The following WASF1 variants were observed in gnomAD, a reference collection of about 807,000 sequenced individuals.
WASF1 encodes WASP family member 1.
Under a neutral mutation model 50.5 loss-of-function variants are expected in WASF1, and 7 were observed. That is an observed-to-expected ratio of 0.14 (90% CI 0.08 to 0.26). The LOEUF (loss-of-function observed/expected upper bound fraction) is 0.26. Ranked by LOEUF, WASF1 falls within the 10% of genes least tolerant of loss-of-function variation. The probability of loss-of-function intolerance (pLI) is 1.00; values close to 1 mark genes in which losing one functional copy is unlikely to be tolerated. For missense variants in WASF1, 470 were observed against 694.7 expected, an observed-to-expected ratio of 0.68 and a Z score of 3.64; for synonymous variants, 205 against 244.0, an observed-to-expected ratio of 0.84 and a Z score of 1.49.
intron 3 of WASF1, among the ~76,000 whole-genome samples, chr6:110,159,660 C>A (rs1776181440): frequency 1.3e-5 from 2 of 151,792 alleles, no homozygotes; most frequent in Admixed American, 1.3e-4. Context: ...AGAAGTGTTT[C>A]CAGTTTCAAA....
chr6:110,155,113 CTT>C (rs925044636), intron 3 of WASF1, among the ~76,000 whole-genome samples: 13 of 152,040 alleles, frequency 8.6e-5, no homozygotes, highest in Admixed American at 5.9e-4. Context: ...TAATCAGACT[CTT>C]TACATATTTT....
intron 3 of WASF1, among the ~76,000 whole-genome samples, chr6:110,129,430 T>C (rs1774561813): frequency 6.6e-6 from 1 of 152,202 alleles, no homozygotes; most frequent in Non-Finnish European, 1.5e-5. Context: ...CTTCTAGATA[T>C]GCAGCCTGAG....
At chr6:110,142,767 G>T (rs1293911762) in intron 3 of WASF1, among the ~76,000 whole-genome samples, 1 of 151,878 alleles carries the variant, frequency 6.6e-6, no homozygotes, top group East Asian at 1.9e-4. Flanking sequence ...TGCATAGAAT[G>T]AACCAATTAC....
At chr6:110,138,363 A>T (rs1310306579) in intron 3 of WASF1, among the ~76,000 whole-genome samples, 2 of 152,264 alleles carry the variant, frequency 1.3e-5, no homozygotes, top group African/African-American at 4.8e-5. Flanking sequence ...CAAAGGCCAC[A>T]GCTATTTTCA....
intron 2 of WASF1, among the ~76,000 whole-genome samples, chr6:110,167,072 T>A (rs981847556): frequency 1.3e-5 from 2 of 151,806 alleles, no homozygotes; most frequent in Non-Finnish European, 2.9e-5. Flanking sequence ...AGTAACACTG[T>A]AGCCATCATG....
chr6:110,144,124 G>A (rs1040725895), intron 3 of WASF1, among the ~76,000 whole-genome samples: 2 of 152,122 alleles, frequency 1.3e-5, no homozygotes, highest in African/African-American at 4.8e-5. Context: ...TCCAGCACCT[G>A]TTGTTTCCTG....
intron 7 of WASF1, 78 bp downstream of exon 7, chr6:110,106,999 A>T (rs1302597576): frequency 3.9e-6 from 4 of 1,016,618 alleles, no homozygotes; most frequent in Non-Finnish European, 5.9e-6. Flanking sequence ...TCAAAATACA[A>T]GATTAATGAA....
intron 3 of WASF1, among the ~76,000 whole-genome samples, chr6:110,159,188 T>G (rs778962527): frequency 1.3e-5 from 2 of 151,726 alleles, no homozygotes; most frequent in African/African-American, 2.4e-5. Context: ...CTTTAAAAAC[T>G]GGGGAAGGCA....
chr6:110,130,395 GTTTTTC>G (rs908107335), intron 3 of WASF1, among the ~76,000 whole-genome samples: 4 of 151,994 alleles, frequency 2.6e-5, no homozygotes, highest in African/African-American at 9.7e-5. Context: ...GCATTTCCTT[GTTTTTC>G]TTTTTATTTT....
chr6:110,132,885 G>A (rs1330142306), intron 3 of WASF1, among the ~76,000 whole-genome samples: 1 of 145,752 alleles, frequency 6.9e-6, no homozygotes, highest in Non-Finnish European at 1.5e-5. Flanking sequence ...TTTTATGGCT[G>A]TGTAGTATTC....
At chr6:110,127,072 C>T (rs772858228) in intron 4 of WASF1, among the ~76,000 whole-genome samples, 10 of 151,970 alleles carry the variant, frequency 6.6e-5, no homozygotes, top group Non-Finnish European at 1.2e-4. Context: ...TTTCCCTAAA[C>T]TAATTAAATA....
Position 110,101,734 on chromosome 6 carries a change from G to A in WASF1, c.1376C>T (p.Pro459Leu), listed in dbSNP as rs1773098287. The change falls in exon 10 of 11, where the codon CCA becomes CTA. Residue 459 changes from proline to leucine, a missense_variant. Around this residue, in one of 3 missense-constraint regions of WASF1, gnomAD observed 294 missense variants for 343.5 expected, o/e 0.86. Coordinates refer to ENST00000392589, the MANE Select transcript of WASF1 (RefSeq NM_003931.3). ...AHPPSGLHPT[P>L]STAPGPHVPL... is the part of the protein sequence containing the mutation. Reference sequence around the variant, plus strand: ...AACATGGGGACCTGGGGCAGTAGATGGAGTTGGATGTAGCCCAGAGGGAGG... The same window carrying A: ...AACATGGGGACCTGGGGCAGTAGATAGAGTTGGATGTAGCCCAGAGGGAGG... 8 of 1,614,068 alleles carry A rather than the reference G, an allele frequency of 5.0e-6. No homozygotes were observed. The highest frequency in any genetic ancestry group is 6.8e-6 in the Non-Finnish European group (8 of 1,180,038).
At chr6:110,129,204 G>A (rs527878070) in intron 3 of WASF1, among the ~76,000 whole-genome samples, 2 of 152,144 alleles carry the variant, frequency 1.3e-5, no homozygotes, top group Non-Finnish European at 2.9e-5. Context: ...GCATGCATCT[G>A]TTGCCTTCTT....
chr6:110,109,411 A>G (rs1192852664), intron 5 of WASF1, among the ~76,000 whole-genome samples: 1 of 152,176 alleles, frequency 6.6e-6, no homozygotes, highest in African/African-American at 2.4e-5. Flanking sequence ...TAAAAAACAT[A>G]CAAAAATGCT....
At chr6:110,127,888 GTTAATTA>G (rs1323251020) in intron 3 of WASF1, among the ~76,000 whole-genome samples, 20 of 151,998 alleles carry the variant, frequency 1.3e-4, no homozygotes, top group Admixed American at 7.9e-4. Context: ...CCACTTAATA[GTTAATTA>G]TCTTATGATT....
At chr6:110,163,952 A>C (rs1433402189) in intron 2 of WASF1, among the ~76,000 whole-genome samples, 1 of 151,724 alleles carries the variant, frequency 6.6e-6, no homozygotes, top group Non-Finnish European at 1.5e-5. Flanking sequence ...AAGACAATAC[A>C]AATGAGAAAA....
intron 2 of WASF1, among the ~76,000 whole-genome samples, chr6:110,165,928 G>A (rs945942080): frequency 1.1e-4 from 17 of 151,746 alleles, no homozygotes; most frequent in Admixed American, 5.9e-4. Context: ...CTGGCAAGAT[G>A]CATGAATTCC....
chr6:110,123,676 G>A (rs1774239145), intron 4 of WASF1, among the ~76,000 whole-genome samples: 1 of 152,176 alleles, frequency 6.6e-6, no homozygotes, highest in South Asian at 2.1e-4. Context: ...GAGCAACACA[G>A]CAGAGATAGA....
chr6:110,110,230 G>A (rs1006515181), intron 5 of WASF1, among the ~76,000 whole-genome samples: 3 of 152,174 alleles, frequency 2.0e-5, no homozygotes, highest in Non-Finnish European at 4.4e-5. Context: ...AGAAAGCTAA[G>A]GCTAGGAAAT....
Sources: allele counts gnomAD v4.1 joint callset (sites outside exome capture counted in the v4.1 genomes callset), GRCh38; gene constraint gnomAD v4.1.1; regional missense constraint gnomAD v4.1.1; transcripts MANE v1.5; gene names NCBI Gene and HGNC (gene_info 2026-07-23, HGNC 2026-07-21).